Variants in SSBP3 observed in about 807,000 individuals in gnomAD.
SSBP3 encodes single-stranded DNA-binding protein 3.
In SSBP3, 5 loss-of-function variants were observed where a neutral mutation model predicts 69.6. That is an observed-to-expected ratio of 0.07 (90% CI 0.04 to 0.15). The LOEUF (loss-of-function observed/expected upper bound fraction) is 0.15. Ranked by LOEUF, SSBP3 falls within the 10% of genes least tolerant of loss-of-function variation. The probability of loss-of-function intolerance (pLI) is 1.00; values close to 1 mark genes in which losing one functional copy is unlikely to be tolerated. For missense variants in SSBP3, 312 were observed against 534.0 expected, an observed-to-expected ratio of 0.58 and a Z score of 4.10; for synonymous variants, 196 against 193.4, an observed-to-expected ratio of 1.01 and a Z score of -0.11.
At chr1:54,375,320 C>T (rs1470371182) in intron 4 of SSBP3, among the ~76,000 whole-genome samples, 1 of 151,650 alleles carries the variant, frequency 6.6e-6, no homozygotes, top group East Asian at 1.9e-4. Context: ...TTCATTCCTA[C>T]TTGGGGGGGA....
intron 4 of SSBP3, chr1:54,356,549 G>C (rs1470405462): frequency 6.6e-6 from 1 of 152,242 alleles, no homozygotes; most frequent in East Asian, 1.9e-4. Flanking sequence ...GTGGGAAGCA[G>C]AAGGCGGCCG....
chr1:54,243,465 G>A, intron 9 of SSBP3, 166 bp from the exon 10 acceptor site: 4 of 762,854 alleles, frequency 5.2e-6, no homozygotes, highest in Non-Finnish European at 8.8e-6. Flanking sequence ...TGGGAACCAA[G>A]TCACAGGGAC....
At chr1:54,247,442 G>T (rs1280661368) in intron 9 of SSBP3, among the ~76,000 whole-genome samples, 4 of 152,176 alleles carry the variant, frequency 2.6e-5, no homozygotes, top group Non-Finnish European at 5.9e-5. Flanking sequence ...TCCTCAAGGG[G>T]CCCTTTTCCT....
Position 54,276,638 on chromosome 1 carries a change from T to C in SSBP3, c.366+4800A>G, listed in dbSNP as rs749442068. On this transcript the variant is annotated intron_variant, in intron 5 of 17. Transcript: ENST00000610401. ...AAAAAAAAAAAAAAAAAAAAAGGTG[T>C]CAGCTACTTTCTGAGCATTGGCCAC... Among the ~76,000 whole-genome samples, 636 of 93,338 alleles carry C rather than the reference T, an allele frequency of 6.8e-3. 7 individuals carry two copies. Among genetic ancestry groups the C allele is most frequent in the Admixed American group, 0.01 (93 of 9,018 alleles). 61.2% of individuals were successfully genotyped at this position (93,338 alleles called of 152,430 possible). A position where few individuals can be genotyped will look rare whatever the true frequency, so the allele number is the denominator to read the frequency against.
At chr1:54,249,082 G>A (rs1482024435) in intron 9 of SSBP3, among the ~76,000 whole-genome samples, 1 of 152,106 alleles carries the variant, frequency 6.6e-6, no homozygotes, top group Non-Finnish European at 1.5e-5. Context: ...TCTTTAAAGT[G>A]TGCCAAAGAG....
intron 4 of SSBP3, among the ~76,000 whole-genome samples, chr1:54,323,230 C>A (rs993763051): frequency 6.6e-6 from 1 of 152,160 alleles, no homozygotes. Context: ...ATTTAAGCCC[C>A]CAAATTCTGC....
chr1:54,316,823 CT>C (rs1646123792), intron 4 of SSBP3, among the ~76,000 whole-genome samples: 1 of 152,058 alleles, frequency 6.6e-6, no homozygotes, highest in African/African-American at 2.4e-5. Context: ...AGTTCCAGAG[CT>C]GGGGAAGTCT....
intron 4 of SSBP3, among the ~76,000 whole-genome samples, chr1:54,316,071 G>A (rs184221801): frequency 3.3e-5 from 5 of 152,282 alleles, no homozygotes; most frequent in African/African-American, 1.2e-4. Context: ...CTAACTGGGC[G>A]CGGTGGCTCA....
intron 4 of SSBP3, among the ~76,000 whole-genome samples, chr1:54,391,561 C>T (rs1455186937): frequency 6.6e-6 from 1 of 152,224 alleles, no homozygotes; most frequent in Non-Finnish European, 1.5e-5. Flanking sequence ...CCTCCTCTCT[C>T]AAACAGCCTT....
chr1:54,399,057 CCATT>C (rs1649101410), intron 4 of SSBP3, among the ~76,000 whole-genome samples: 1 of 152,212 alleles, frequency 6.6e-6, no homozygotes, highest in South Asian at 2.1e-4. Context: ...TAAAAGAACA[CCATT>C]CAAGACTCAC....
intron 4 of SSBP3, among the ~76,000 whole-genome samples, chr1:54,347,581 G>T (rs908916034): frequency 1.3e-5 from 2 of 152,198 alleles, no homozygotes; most frequent in African/African-American, 4.8e-5. Flanking sequence ...TGCAGATGTG[G>T]AAGGCCGATT....
Position 54,231,992 on chromosome 1 carries a change from C to A in SSBP3, c.928-3166G>T, listed in dbSNP as rs188761562. ...TATAGGTGTGAGCCACCATGCCCGGCCCCCTATGATCTACTTTAACTTTTG... is the reference window on the plus strand; with the variant it reads ...TATAGGTGTGAGCCACCATGCCCGGACCCCTATGATCTACTTTAACTTTTG... On this transcript the variant is annotated intron_variant, in intron 14 of 17. Coordinates refer to ENST00000610401, the Ensembl canonical transcript of SSBP3. 7.0e-4 allele frequency among the ~76,000 whole-genome samples: 107 copies of A among 152,296 alleles called. No homozygotes were observed. In the East Asian group the frequency reaches 0.015, roughly 22 times the overall value.
chr1:54,284,010 G>C (rs1645442698), intron 4 of SSBP3, among the ~76,000 whole-genome samples: 1 of 151,604 alleles, frequency 6.6e-6, no homozygotes, highest in South Asian at 2.1e-4. Flanking sequence ...AATGGGGTAA[G>C]GTAAACATCC....
intron 13 of SSBP3, among the ~76,000 whole-genome samples, chr1:54,240,482 G>C (rs1302616658): frequency 8.4e-6 from 1 of 119,288 alleles, no homozygotes; most frequent in Non-Finnish European, 1.7e-5. Flanking sequence ...AGGGGGGGGG[G>C]GCGGGGGGGA....
At chr1:54,262,112 T>C (rs1645026851) in intron 5 of SSBP3, among the ~76,000 whole-genome samples, 1 of 152,196 alleles carries the variant, frequency 6.6e-6, no homozygotes, top group Non-Finnish European at 1.5e-5. Context: ...GAATCCTGGC[T>C]CTGCCCCTGA....
At chr1:54,309,958 A>C (rs1645970287) in intron 4 of SSBP3, among the ~76,000 whole-genome samples, 1 of 152,050 alleles carries the variant, frequency 6.6e-6, no homozygotes. Flanking sequence ...GGGGGAGCAC[A>C]AATCTCAAAA....
chr1:54,273,314 A>ACATGCGTGCACACAGG (rs373438473), intron 5 of SSBP3, among the ~76,000 whole-genome samples: 27 of 152,312 alleles, frequency 1.8e-4, no homozygotes, highest in Non-Finnish European at 2.9e-4. Flanking sequence ...AAACATATCC[A>ACATGCGTGCACACAGG]CATGCGTGCA....
In SSBP3 at chr1:54,240,968, G is replaced by C; in HGVS notation, c.802-9C>G. 5.0e-6 allele frequency: 8 copies of C among 1,606,130 alleles called. No individual in the cohort carries two copies. Among genetic ancestry groups the C allele is most frequent in the Non-Finnish European group, 6.8e-6 (8 of 1,176,250 alleles). ...CCACCACCAGGGGGTCCCTAAAGAT[G>C]AGACAAAACTGACATCAGACACCCA... On this transcript the variant is annotated splice_polypyrimidine_tract_variant and intron_variant, in intron 12 of 17. Transcript: ENST00000610401.
chr1:54,331,750 A>G (rs985642568), intron 4 of SSBP3, among the ~76,000 whole-genome samples: 1 of 152,210 alleles, frequency 6.6e-6, no homozygotes, highest in African/African-American at 2.4e-5. Flanking sequence ...TGCCCCCAGC[A>G]TTGGTGCAAA....
Sources: allele counts gnomAD v4.1 joint callset (sites outside exome capture counted in the v4.1 genomes callset), GRCh38; gene constraint gnomAD v4.1.1; transcripts MANE v1.5; gene names NCBI Gene and HGNC (gene_info 2026-07-23, HGNC 2026-07-21).